The following TP53I13 variants were observed in gnomAD, a reference collection of about 807,000 sequenced individuals.
TP53I13 encodes tumor protein p53 inducible protein 13.
Under a neutral mutation model 39.1 loss-of-function variants are expected in TP53I13, and 27 were observed. That is an observed-to-expected ratio of 0.69 (90% confidence interval 0.51 to 0.95). TP53I13 has a LOEUF of 0.95. TP53I13 is among the 40% of genes least tolerant of loss of function. The probability of loss-of-function intolerance (pLI) is 0.00; values close to 1 mark genes in which losing one functional copy is unlikely to be tolerated. For missense variants in TP53I13, 544 were observed against 520.4 expected, an observed-to-expected ratio of 1.05 and a Z score of -0.44; for synonymous variants, 230 against 224.6, an observed-to-expected ratio of 1.02 and a Z score of -0.22.
At chr17:29,579,504 G>T in the TP53I13 span, among the ~76,000 whole-genome samples, 1 of 152,148 alleles carries the variant, frequency 6.6e-6, no homozygotes, top group Admixed American at 6.5e-5. Context: ...CTAGCACTTT[G>T]GGAGGCCAAG....
In TP53I13 at chr17:29,572,512, C is replaced by A. The variant is rs1337518521; in HGVS notation, c.884C>A (p.Ala295Glu). The A allele has an allele frequency of 6.2e-7, 1 of 1,605,654 alleles. No homozygotes were observed. Among genetic ancestry groups the A allele is most frequent in the Non-Finnish European group, 8.5e-7 (1 of 1,176,476 alleles). ...GCTTCCCCGGCCCCTCGCGCAGCAG[C>A]GCCTCCACGGGCAGCCCGGGGCCCC... The part of the protein sequence containing the change: ...SQASPAPRAA[A>E]PPRAARGPTP... The change falls in exon 6 of 7, where the codon GCG (alanine) becomes GAG (glutamate). Residue 295 changes from alanine to glutamate, a missense_variant. Coordinates refer to ENST00000301057, the MANE Select transcript of TP53I13 (RefSeq NM_138349.4).
chr17:29,566,848 C>A (rs751969763), upstream of TP53I13: 32 of 1,513,626 alleles, frequency 2.1e-5, no homozygotes, highest in Non-Finnish European at 2.7e-5. Context: ...GTCTTGGGCC[C>A]CCGGCAGGGT....
At chr17:29,566,746 C>T, upstream of TP53I13, 2 of 1,553,392 alleles carry the variant, frequency 1.3e-6, no homozygotes, top group East Asian at 4.7e-5. Flanking sequence ...CGACGGCTTG[C>T]AAACAAGGCT....
At chr17:29,575,382 G>A, downstream of TP53I13, 5 of 1,613,596 alleles carry the variant, frequency 3.1e-6, no homozygotes, top group Non-Finnish European at 4.2e-6. This position sits in a 1 kb window ranked among gnomAD's most constrained non-coding sequence, Gnocchi z 5.5. Context: ...GTGCTGGGAA[G>A]CCCAGGATCT....
chr17:29,567,703 C>CTGTTTCAG (rs1217618242), upstream of TP53I13, among the ~76,000 whole-genome samples: 13 of 152,140 alleles, frequency 8.5e-5, no homozygotes, highest in African/African-American at 3.1e-4. This position sits in a 1 kb window ranked among gnomAD's most constrained non-coding sequence, Gnocchi z 6.6. Flanking sequence ...CCGGGAGTGG[C>CTGTTTCAG]TTCCCCAGAA....
upstream of TP53I13, chr17:29,566,983 C>T (rs2032733047): frequency 7.7e-7 from 1 of 1,300,256 alleles, no homozygotes; most frequent in Non-Finnish European, 9.7e-7. Flanking sequence ...GCTGGAGAGC[C>T]CCGGCGGGCA....
downstream of TP53I13, chr17:29,576,727 C>A: frequency 1.2e-6 from 2 of 1,606,500 alleles, no homozygotes; most frequent in Non-Finnish European, 1.7e-6. Context: ...AGGCCAACAC[C>A]CGCAGGGGGC....
chr17:29,572,878 T>A lies in TP53I13; in HGVS notation c.1136T>A (p.Leu379His). The A allele has an allele frequency of 6.6e-7, 1 of 1,517,784 alleles. No individual in the cohort carries two copies. The highest frequency in any genetic ancestry group is 1.4e-5 in the African/African-American group (1 of 70,400). 94.0% of individuals were successfully genotyped at this position (1,517,784 alleles called of 1,614,324 possible). The change falls in exon 7 of 7, where the codon CTC becomes CAC. Residue 379 changes from leucine (L) to histidine (H), a missense_variant. Physicochemically the swap from Leu to His is moderately conservative, Grantham distance 99. Transcript: ENST00000301057. ...AAGCGCTCGCGCCGGAGACCCCTCC[T>A]CCCGCCCACGCCGGACAGCGGCCCG... ...RVKRSRRRPL[L>H]PPTPDSGPEG...
At chr17:29,575,681 C>G, downstream of TP53I13, 1 of 1,612,926 alleles carries the variant, frequency 6.2e-7, no homozygotes, top group Non-Finnish European at 8.5e-7. This position sits in a 1 kb window ranked among gnomAD's most constrained non-coding sequence, Gnocchi z 5.5. Context: ...GTCGGCTCCA[C>G]TGCCGTGGCG....
At chr17:29,579,508 G>C in the TP53I13 span, among the ~76,000 whole-genome samples, 1 of 152,158 alleles carries the variant, frequency 6.6e-6, no homozygotes, top group Non-Finnish European at 1.5e-5. Context: ...CACTTTGGGA[G>C]GCCAAGGTGG....
At chr17:29,579,204 C>G in the TP53I13 span, 5 of 583,740 alleles carry the variant, frequency 8.6e-6, no homozygotes, top group Non-Finnish European at 1.5e-5. Context: ...CCACCAGTGT[C>G]AGCCACCTGG....
At position 29,571,971 on chromosome 17, in the gene TP53I13, T is replaced by C; in HGVS notation, c.427T>C (p.Trp143Arg). Residue 143 changes from tryptophan (W) to arginine (R), a missense_variant, in exon 5 of 7, where the codon TGG becomes CGG. Transcript: ENST00000301057. ...GAGGAAGCAGAGGAAGAAGAAGGCA[T>C]GGATCTACTGTGAAAGCCTTTCAGG... ...RRRKQRKKKA[W>R]IYCESLSGPA... The C allele has an allele frequency of 6.2e-7, 1 of 1,613,094 alleles. No homozygotes were observed. The highest frequency in any genetic ancestry group is 8.5e-7 in the Non-Finnish European group (1 of 1,179,982).
chr17:29,566,589 G>T (rs1370159227), upstream of TP53I13: 1 of 1,607,866 alleles, frequency 6.2e-7, no homozygotes, highest in Admixed American at 1.7e-5. Flanking sequence ...CCAACTGCAG[G>T]TACTCCCGGG....
chr17:29,572,943 T>G lies in TP53I13; in HGVS notation c.*19T>G. 7.0e-7 allele frequency: 1 copy of G among 1,424,440 alleles called. No individual in the cohort carries two copies. Among genetic ancestry groups the G allele is most frequent in the Non-Finnish European group, 9.1e-7 (1 of 1,093,484 alleles). The allele number at this position is 1,424,440 out of a possible 1,614,324, so 88.2% of individuals were successfully genotyped here. On this transcript the variant is annotated 3_prime_UTR_variant, in exon 7 of 7. Coordinates refer to ENST00000301057, the MANE Select transcript of TP53I13 (RefSeq NM_138349.4). ...GGAGTGACGGCCTGGGACCTGCCAC[T>G]GTGGCGTGCGGCTCCTCCCCGCGCC...
At chr17:29,575,983 C>T (rs926993964), downstream of TP53I13, 25 of 1,541,742 alleles carry the variant, frequency 1.6e-5, no homozygotes, top group Non-Finnish European at 2.1e-5. This position sits in a 1 kb window ranked among gnomAD's most constrained non-coding sequence, Gnocchi z 5.5. Flanking sequence ...CCAGGTCAGT[C>T]TAATCATCTT....
chr17:29,582,293 G>A, the TP53I13 span: 19 of 629,228 alleles, frequency 3.0e-5, 1 homozygote, highest in Admixed American at 1.3e-4. Flanking sequence ...GAGGCTTCCC[G>A]CTAGGGGTTA....
the TP53I13 span, chr17:29,581,805 G>A: frequency 6.2e-7 from 1 of 1,612,466 alleles, no homozygotes; most frequent in African/African-American, 1.3e-5. The surrounding 1 kb of genome is among the most constrained non-coding windows in gnomAD (Gnocchi z 4.8). Context: ...CACTCAACCA[G>A]CCTTTCCGCC....
At chr17:29,580,119 G>A in the TP53I13 span, among the ~76,000 whole-genome samples, 4 of 152,134 alleles carry the variant, frequency 2.6e-5, no homozygotes, top group Non-Finnish European at 5.9e-5. Flanking sequence ...ACCTGGCTAG[G>A]CTGCCTCCCC....
At position 29,572,493 on chromosome 17, in the gene TP53I13, C is replaced by G; in HGVS notation, c.865C>G (p.Pro289Ala). 6.2e-7 allele frequency: 1 copy of G among 1,602,828 alleles called. No individual in the cohort carries two copies. The highest frequency in any genetic ancestry group is 8.5e-7 in the Non-Finnish European group (1 of 1,174,552). ...GGCVCSSQAS[P>A]APRAAAPPRA... is the part of the protein sequence containing the mutation. ...CTGTGTCTGTTCAAGTCAGGCTTCCCCGGCCCCTCGCGCAGCAGCGCCTCC... is the reference window on the plus strand; with the variant it reads ...CTGTGTCTGTTCAAGTCAGGCTTCCGCGGCCCCTCGCGCAGCAGCGCCTCC... Residue 289 changes from proline (P) to alanine (A), a missense_variant, in exon 6 of 7, where the codon CCG becomes GCG. Transcript: ENST00000301057.
Sources: allele counts gnomAD v4.1 joint callset (sites outside exome capture counted in the v4.1 genomes callset), GRCh38; gene constraint gnomAD v4.1.1; non-coding constraint Gnocchi (gnomAD v3.1); transcripts MANE v1.5; gene names NCBI Gene and HGNC (gene_info 2026-07-23, HGNC 2026-07-21).